The following BIRC6 variants were observed in gnomAD, a reference collection of about 807,000 sequenced individuals.
BIRC6 encodes dual E2 ubiquitin-conjugating enzyme/E3 ubiquitin-protein ligase BIRC6.
BIRC6 carries 98 observed loss-of-function variants against 503.3 expected under a neutral mutation model. The observed-to-expected ratio is 0.19, with a 90% CI of 0.17 to 0.23. The LOEUF (loss-of-function observed/expected upper bound fraction) is 0.23, where lower values mean the gene tolerates loss of function less well. Among genes scored for constraint, BIRC6 ranks in the 10% least tolerant of loss-of-function variants. BIRC6 has a pLI of 1.00. For missense variants in BIRC6, 5,360 were observed against 5,806.0 expected (o/e 0.92, Z 2.50); for synonymous variants, 2,240 against 2,078.7 (o/e 1.08, Z -2.11).
rs1416566607 is a variant in BIRC6 at position 32,471,098 on chromosome 2, C to T, written c.6566C>T (p.Ala2189Val). 6.3e-7 allele frequency: 1 copy of T among 1,576,792 alleles called. No individual in the cohort carries two copies. The highest frequency in any genetic ancestry group is 8.6e-7 in the Non-Finnish European group (1 of 1,159,050). ...TATGTGGCAACTGTTGAAGATGAAG[C>T]AGCAGCTGCAAAGAAACCTTTGAAT... is the stretch of plus-strand genomic sequence containing the variant. ...LDYVATVEDE[A>V]AAAKKPLNGN... Residue 2189 changes from alanine to valine, a missense_variant, in exon 32 of 74, where the codon GCA (alanine) becomes GTA (valine). Physicochemically the swap from Ala to Val is moderately conservative, Grantham distance 64. Transcript: ENST00000421745.
chr2:32,441,192 A>G (rs895994648), intron 16 of BIRC6, 137 bp from the exon 17 acceptor site: 17 of 654,264 alleles, frequency 2.6e-5, no homozygotes, highest in African/African-American at 2.4e-4. Context: ...ATATGAGGGT[A>G]CAAGCTATCA....
Position 32,508,276 on chromosome 2 carries a change from C to CTTCT in BIRC6, c.9980+19_9980+20insCTTT. On this transcript the variant is annotated intron_variant, in intron 51 of 73. Transcript: ENST00000421745. ...CAAAACAAGGTATGTTTTGTTTGTC[C>CTTCT]TTTTTTTTTTTTTTTTTTTTTTTTT... is the stretch of plus-strand genomic sequence containing the variant. The CTTCT allele has an allele frequency of 1.2e-6, 1 of 863,546 alleles. No homozygotes were observed. Among genetic ancestry groups the CTTCT allele is most frequent in the Non-Finnish European group, 1.4e-6 (1 of 694,274 alleles). 53.5% of individuals were successfully genotyped at this position (863,546 alleles called of 1,614,324 possible).
chr2:32,357,878 C>T lies in BIRC6; in HGVS notation c.325+392C>T, dbSNP rs1473653452. 1.3e-5 allele frequency among the ~76,000 whole-genome samples: 2 copies of T among 152,138 alleles called. No homozygotes were observed. Among genetic ancestry groups the T allele is most frequent in the Non-Finnish European group, 2.9e-5 (2 of 68,014 alleles). On this transcript the variant is annotated intron_variant, in intron 1 of 73. Transcript: ENST00000421745. This position sits in a 1 kb window ranked among gnomAD's most constrained non-coding sequence, Gnocchi z 4.9. The stretch of plus-strand genomic sequence containing the variant: ...GAGAGCGAAAGGCTGGAAGGGTTGA[C>T]CCCGGGCGGAGAGGCTGGTGGCCGG...
At position 32,442,381 on chromosome 2, in the gene BIRC6, C is replaced by T. The variant is rs570884165; in HGVS notation, c.4164C>T (p.Ile1388=). The T allele has an allele frequency of 9.3e-6, 15 of 1,611,736 alleles. No homozygotes were observed. Among genetic ancestry groups the T allele is most frequent in the South Asian group, 4.4e-5 (4 of 90,596 alleles). The change falls in exon 19 of 74, where the codon ATC becomes ATT. Residue 1388 remains isoleucine, a synonymous_variant. Coordinates refer to ENST00000421745, the MANE Select transcript of BIRC6 (RefSeq NM_016252.4). ...LSKTRKFLSD[I]VRVCFFEAGR... ...AAACACGAAAATTTCTGTCAGACATCGTACGTGTTTGCTTCTTTGAGGCAG... is the reference window on the plus strand; with the variant it reads ...AAACACGAAAATTTCTGTCAGACATTGTACGTGTTTGCTTCTTTGAGGCAG...
At chr2:32,517,007 T>C (rs746747080) in intron 55 of BIRC6, among the ~76,000 whole-genome samples, 3 of 152,152 alleles carry the variant, frequency 2.0e-5, no homozygotes, top group African/African-American at 7.2e-5. Flanking sequence ...ATATAATTTT[T>C]ATAAAATATT....
intron 69 of BIRC6, among the ~76,000 whole-genome samples, chr2:32,599,149 T>C (rs1455879697): frequency 6.7e-6 from 1 of 148,888 alleles, no homozygotes; most frequent in Non-Finnish European, 1.5e-5. Context: ...GCTGATGTGG[T>C]GAAACCTCAT....
chr2:32,504,697 A>T (rs1225562131), intron 49 of BIRC6, among the ~76,000 whole-genome samples: 2 of 151,806 alleles, frequency 1.3e-5, no homozygotes, highest in Admixed American at 6.6e-5. Flanking sequence ...ATAAATAATA[A>T]AAAAAATTTA....
chr2:32,471,809 C>A lies in BIRC6; in HGVS notation c.6592+685C>A, dbSNP rs146073942. Among the ~76,000 whole-genome samples the A allele has an allele frequency of 1.9e-4, 29 of 152,078 alleles. No individual in the cohort carries two copies. The East Asian group carries it at 5.6e-3, about 29-fold the overall frequency. On this transcript the variant is annotated intron_variant, in intron 32 of 73. Transcript: ENST00000421745. Reference sequence around the variant, plus strand: ...CCTACATATGCTTACATATGGCTTACATGTAGTATGTAAGCCATTGAAATC... The same window carrying A: ...CCTACATATGCTTACATATGGCTTAAATGTAGTATGTAAGCCATTGAAATC...
chr2:32,559,127 T>A (rs1337756922), intron 65 of BIRC6, among the ~76,000 whole-genome samples: 1 of 152,158 alleles, frequency 6.6e-6, no homozygotes, highest in Non-Finnish European at 1.5e-5. Context: ...ACTATAAAAA[T>A]GAAAAAAATT....
intron 59 of BIRC6, 103 bp downstream of exon 59, chr2:32,525,731 A>T: frequency 1.7e-6 from 2 of 1,173,336 alleles, no homozygotes; most frequent in South Asian, 3.1e-5. Flanking sequence ...GGTGCCATTG[A>T]TGAGATCAGT....
intron 20 of BIRC6, among the ~76,000 whole-genome samples, chr2:32,444,400 T>C (rs1352170013): frequency 6.6e-6 from 1 of 152,132 alleles, no homozygotes; most frequent in East Asian, 1.9e-4. Context: ...CAAAAAAGAA[T>C]GAAGGTAGTT....
Position 32,543,576 on chromosome 2 carries a change from G to A in BIRC6, c.12592+35G>A, listed in dbSNP as rs1290425431. 2.5e-6 allele frequency: 4 copies of A among 1,583,588 alleles called. No individual in the cohort carries two copies. The South Asian group carries it at 3.4e-5, about 13-fold the overall frequency. On this transcript the variant is annotated intron_variant, in intron 62 of 73. Transcript: ENST00000421745. Reference sequence around the variant, plus strand: ...TAGTATTAAATTTATCAACACATATGTGAATAGGTTGTGTAAAGGTATCCA... The same window carrying A: ...TAGTATTAAATTTATCAACACATATATGAATAGGTTGTGTAAAGGTATCCA...
intron 1 of BIRC6, among the ~76,000 whole-genome samples, chr2:32,376,476 T>G (rs1056398114): frequency 5.3e-5 from 8 of 152,242 alleles, no homozygotes; most frequent in South Asian, 2.1e-4. Flanking sequence ...TTTGATAATT[T>G]TAACTTTATA....
chr2:32,373,778 T>C (rs2036313586), intron 1 of BIRC6, among the ~76,000 whole-genome samples: 3 of 152,192 alleles, frequency 2.0e-5, no homozygotes, highest in Admixed American at 6.5e-5. Context: ...ATCAAGGAGA[T>C]ATTTGTACAC....
At chr2:32,484,192 T>A (rs1032887201) in intron 39 of BIRC6, among the ~76,000 whole-genome samples, 1 of 152,104 alleles carries the variant, frequency 6.6e-6, no homozygotes, top group African/African-American at 2.4e-5. Flanking sequence ...AAAAAGTTTT[T>A]TGGGGGCTGG....
At chr2:32,419,193 A>G (rs1396819143) in intron 10 of BIRC6, among the ~76,000 whole-genome samples, 1 of 152,242 alleles carries the variant, frequency 6.6e-6, no homozygotes, top group Non-Finnish European at 1.5e-5. Flanking sequence ...CTTAAAATGT[A>G]TGTACATGTA....
At chr2:32,509,590 C>A in intron 51 of BIRC6, 148 bp from the exon 52 acceptor site, 2 of 875,980 alleles carry the variant, frequency 2.3e-6, no homozygotes, top group Non-Finnish European at 3.4e-6. Flanking sequence ...TGTCTGTTTA[C>A]TTAATTTGCA....
At chr2:32,434,238 T>A (rs1056587864) in intron 13 of BIRC6, among the ~76,000 whole-genome samples, 1 of 152,184 alleles carries the variant, frequency 6.6e-6, no homozygotes, top group Non-Finnish European at 1.5e-5. Flanking sequence ...ATTTGTTGCA[T>A]TGAGTTATTA....
chr2:32,449,107 A>T lies in BIRC6; in HGVS notation c.4618+179A>T, dbSNP rs78728767. 5.5e-4 allele frequency: 309 copies of T among 556,784 alleles called. 6 individuals are homozygous for T. In the East Asian group the frequency reaches 8.0e-3, roughly 15 times the overall value. The allele number at this position is 556,784 out of a possible 1,614,324, so 34.5% of individuals were successfully genotyped here. A position where few individuals can be genotyped will look rare whatever the true frequency, so the allele number is the denominator to read the frequency against. On this transcript the variant is annotated intron_variant, in intron 22 of 73. Coordinates refer to ENST00000421745, the MANE Select transcript of BIRC6 (RefSeq NM_016252.4). ...GTTCTTAACTTCCTCTTTCCCTCTG[A>T]AGAAAATCCCAGTATATTAAAGTCA...
Sources: allele counts gnomAD v4.1 joint callset (sites outside exome capture counted in the v4.1 genomes callset), GRCh38; gene constraint gnomAD v4.1.1; non-coding constraint Gnocchi (gnomAD v3.1); transcripts MANE v1.5; gene names NCBI Gene and HGNC (gene_info 2026-07-23, HGNC 2026-07-21).